The following TANGO2 variants were observed in gnomAD, a reference collection of about 807,000 sequenced individuals.
The protein encoded by TANGO2 is transport and golgi organization 2 homolog.
Under a neutral mutation model 39.1 loss-of-function variants are expected in TANGO2, and 26 were observed. The observed-to-expected ratio is 0.67, with a 90% CI of 0.49 to 0.92. The LOEUF (loss-of-function observed/expected upper bound fraction) is 0.92. Ranked by LOEUF, TANGO2 falls within the 40% of genes least tolerant of loss-of-function variation. The pLI, the probability that TANGO2 is intolerant of heterozygous loss-of-function variation, is 0.00. For missense variants in TANGO2, 326 were observed against 360.1 expected (o/e 0.91, Z 0.77); for synonymous variants, 131 against 144.5 (o/e 0.91, Z 0.67).
Position 20,064,116 on chromosome 22 carries a change from G to A in TANGO2, c.711-426G>A, listed in dbSNP as rs569247398. Among the ~76,000 whole-genome samples, 4 of 152,326 alleles carry A rather than the reference G, an allele frequency of 2.6e-5. No individual in the cohort carries two copies. In the East Asian group the frequency reaches 7.7e-4, roughly 29 times the overall value. ...CTGGGCAGTGGAAGAGAGGGCACAG[G>A]AGGGAAGCCTTCCAGACAGAGGAGG... On this transcript the variant is annotated intron_variant, in intron 8 of 8. Transcript: ENST00000327374.
intron 1 of TANGO2, chr22:20,033,281 G>A (rs1465812650): frequency 3.9e-6 from 2 of 512,082 alleles, no homozygotes; most frequent in East Asian, 1.2e-4. Flanking sequence ...CCAGTGCCAG[G>A]CTGTCCGGAG....
intron 1 of TANGO2, 42 bp from the exon 2 acceptor site, chr22:20,036,718 T>A: frequency 6.5e-7 from 1 of 1,546,738 alleles, no homozygotes; most frequent in Non-Finnish European, 8.9e-7. Context: ...CAGCCCTGAG[T>A]GTCTGCCATC....
chr22:20,035,989 G>A (rs761541607), intron 1 of TANGO2, among the ~76,000 whole-genome samples: 1 of 152,066 alleles, frequency 6.6e-6, no homozygotes, highest in African/African-American at 2.4e-5. Context: ...GCCTTCACCC[G>A]AACCAAAGAA....
At chr22:20,050,695 A>C (rs926600765) in intron 3 of TANGO2, among the ~76,000 whole-genome samples, 17 of 149,660 alleles carry the variant, frequency 1.1e-4, no homozygotes, top group African/African-American at 4.2e-4. Flanking sequence ...TAAGGATTTT[A>C]AAAATGCTGT....
intron 6 of TANGO2, among the ~76,000 whole-genome samples, chr22:20,060,515 C>A (rs1239154447): frequency 6.6e-6 from 1 of 152,104 alleles, no homozygotes; most frequent in African/African-American, 2.4e-5. Context: ...TCCTCCTGCC[C>A]CAGCCTCCCG....
chr22:20,032,777 C>T (rs2042111628), intron 1 of TANGO2, among the ~76,000 whole-genome samples: 1 of 152,214 alleles, frequency 6.6e-6, no homozygotes, highest in South Asian at 2.1e-4. Context: ...CCTGAGGAGC[C>T]CAGCCTCACC....
intron 5 of TANGO2, 175 bp downstream of exon 5, chr22:20,053,726 G>A (rs1569314408): frequency 3.1e-6 from 2 of 646,822 alleles, no homozygotes; most frequent in Non-Finnish European, 5.7e-6. Context: ...TACCAACTCG[G>A]GTATTTGGGG....
At chr22:20,053,618 C>G in intron 5 of TANGO2, 67 bp downstream of exon 5, 1 of 1,081,536 alleles carries the variant, frequency 9.2e-7, no homozygotes, top group Non-Finnish European at 1.4e-6. Flanking sequence ...TCAGGCTCAT[C>G]AGGAAGTGGG....
At position 20,045,689 on chromosome 22, in the gene TANGO2, G is replaced by A. The variant is rs2045039602; in HGVS notation, c.145+2246G>A. 2.0e-5 allele frequency among the ~76,000 whole-genome samples: 3 copies of A among 151,938 alleles called. No individual in the cohort carries two copies. The South Asian group carries it at 6.2e-4, about 32-fold the overall frequency. On this transcript the variant is annotated intron_variant, in intron 3 of 8. Transcript: ENST00000327374. Reference sequence around the variant, plus strand: ...AGGCTAATTTTGTATTTTTAGTAGAGATGGGGTTTCTCCATGTTGGTCAGG... The same window carrying A: ...AGGCTAATTTTGTATTTTTAGTAGAAATGGGGTTTCTCCATGTTGGTCAGG...
intron 6 of TANGO2, 42 bp from the exon 7 acceptor site, chr22:20,061,488 C>T: frequency 6.4e-7 from 1 of 1,557,300 alleles, no homozygotes; most frequent in Non-Finnish European, 8.7e-7. Context: ...CCTGACATGG[C>T]ACAGCAGGGC....
chr22:20,031,217 G>T (rs1294915627), intron 1 of TANGO2, among the ~76,000 whole-genome samples: 1 of 152,000 alleles, frequency 6.6e-6, no homozygotes, highest in African/African-American at 2.4e-5. Flanking sequence ...AAATTAGCCG[G>T]GTGTGGTGGT....
chr22:20,059,549 T>C (rs1339030247), intron 6 of TANGO2, among the ~76,000 whole-genome samples: 1 of 152,232 alleles, frequency 6.6e-6, no homozygotes, highest in Non-Finnish European at 1.5e-5. Flanking sequence ...AAACTTGCTA[T>C]GTTCTGTGTT....
intron 6 of TANGO2, among the ~76,000 whole-genome samples, chr22:20,059,106 T>TGTG (rs1303364202): frequency 6.6e-6 from 1 of 152,136 alleles, no homozygotes; most frequent in Admixed American, 6.6e-5. Flanking sequence ...CAGTCAGGGT[T>TGTG]GTGGTGGTCT....
intron 6 of TANGO2, among the ~76,000 whole-genome samples, chr22:20,060,815 G>A (rs2048254990): frequency 6.6e-6 from 1 of 152,140 alleles, no homozygotes; most frequent in African/African-American, 2.4e-5. Flanking sequence ...CATTTGGGGT[G>A]CTTGGCTCCC....
intron 1 of TANGO2, among the ~76,000 whole-genome samples, chr22:20,033,514 C>A (rs980053734): frequency 1.3e-5 from 2 of 152,212 alleles, no homozygotes; most frequent in Non-Finnish European, 2.9e-5. Flanking sequence ...GGGCTGAGGT[C>A]GGCTGAAGTT....
rs112404680 is a variant in TANGO2, at chr22:20,027,987, C to G, written c.-40+6741C>G. ...CTAATTTTTGTATTTTTAGTAGAGA[C>G]CGGGTTTCACCGTGTTGGCCAGGCT... On this transcript the variant is annotated intron_variant, in intron 1 of 8. Coordinates refer to ENST00000327374, the MANE Select transcript of TANGO2 (RefSeq NM_152906.7). Among the ~76,000 whole-genome samples, 525 of 152,042 alleles carry G rather than the reference C, an allele frequency of 3.5e-3. 4 individuals are homozygous for G. Among genetic ancestry groups the G allele is most frequent in the African/African-American group, 0.012 (503 of 41,462 alleles).
chr22:20,056,089 C>A, intron 6 of TANGO2, 76 bp downstream of exon 6: 2 of 1,181,954 alleles, frequency 1.7e-6, no homozygotes, highest in Non-Finnish European at 2.5e-6. Flanking sequence ...TTTTAGAGAC[C>A]AGGCACTTGT....
intron 6 of TANGO2, among the ~76,000 whole-genome samples, chr22:20,060,348 CAAAAA>C (rs1180539682): frequency 1.4e-4 from 11 of 80,702 alleles, no homozygotes; most frequent in African/African-American, 5.1e-4. Flanking sequence ...GACTCCGTCT[CAAAAA>C]AAAAAAAAAA....
rs1394532196 is a variant in TANGO2 at position 20,066,260 on chromosome 22, A to G, written c.*1598A>G. 1 of 152,778 alleles carries G rather than the reference A, an allele frequency of 6.5e-6. No homozygotes were observed. The highest frequency in any genetic ancestry group is 2.4e-5 in the African/African-American group (1 of 41,410). The allele number at this position is 152,778 out of a possible 1,614,324, so 9.5% of individuals were successfully genotyped here. ...CAGGGGATGGTAGGAGGGGCAGGAG[A>G]GCAGGTCTGCATCTGTCTCAGCCCC... On this transcript the variant is annotated 3_prime_UTR_variant, in exon 9 of 9. Transcript: ENST00000327374.
Sources: gnomAD v4.1 joint callset for allele counts (sites outside exome capture counted in the v4.1 genomes callset) on GRCh38, gnomAD v4.1.1 for gene constraint, MANE v1.5 for transcripts, NCBI Gene and HGNC (gene_info 2026-07-23, HGNC 2026-07-21) for gene names.